PRKCA: variants seen among roughly 807,000 people sequenced by gnomAD.
PRKCA encodes the protein protein kinase C alpha type.
A neutral mutation model predicts 87.0 loss-of-function variants in PRKCA; 27 were observed. That is an observed-to-expected ratio of 0.31 (90% CI 0.23 to 0.43). The LOEUF (loss-of-function observed/expected upper bound fraction) is 0.43, where lower values mean the gene tolerates loss of function less well. Among genes scored for constraint, PRKCA ranks in the 20% least tolerant of loss-of-function variants. The pLI is 1.00. For missense variants in PRKCA, 518 were observed against 852.3 expected (o/e 0.61, Z 4.88); for synonymous variants, 329 against 311.1 (o/e 1.06, Z -0.61).
chr17:66,639,397 T>A (rs1388398375), intron 3 of PRKCA: 1 of 152,180 alleles, frequency 6.6e-6, no homozygotes, highest in African/African-American at 2.4e-5. Flanking sequence ...ATTTATTTAT[T>A]TATTTTTTGA....
chr17:66,348,823 C>A (rs1907562235), intron 2 of PRKCA, among the ~76,000 whole-genome samples: 1 of 152,188 alleles, frequency 6.6e-6, no homozygotes, highest in Non-Finnish European at 1.5e-5. Context: ...GAGTCATCCA[C>A]ATGTGGATAA....
chr17:66,433,289 C>CGGCCCTGGCCCTGGTCCT (rs1913192582), intron 2 of PRKCA, among the ~76,000 whole-genome samples: 1 of 152,272 alleles, frequency 6.6e-6, no homozygotes, highest in South Asian at 2.1e-4. Context: ...GCTCTGGCCC[C>CGGCCCTGGCCCTGGTCCT]GGCCCTGGCC....
chr17:66,633,988 A>G (rs1050165574), intron 3 of PRKCA, among the ~76,000 whole-genome samples: 4 of 152,232 alleles, frequency 2.6e-5, no homozygotes, highest in Admixed American at 6.5e-5. Flanking sequence ...CCCGGTCAGC[A>G]TCCGAATTCT....
chr17:66,419,973 G>C (rs1333640796), intron 2 of PRKCA, among the ~76,000 whole-genome samples: 1 of 151,378 alleles, frequency 6.6e-6, no homozygotes, highest in Non-Finnish European at 1.5e-5. Flanking sequence ...TTGTTGAAGG[G>C]GTAAACAAAC....
chr17:66,360,078 A>C (rs1908298610), intron 2 of PRKCA, among the ~76,000 whole-genome samples: 1 of 152,240 alleles, frequency 6.6e-6, no homozygotes. Context: ...AGAATTAGGA[A>C]TATTCATATC....
intron 2 of PRKCA, among the ~76,000 whole-genome samples, chr17:66,329,899 C>T (rs1343494337): frequency 1.3e-5 from 2 of 152,070 alleles, no homozygotes; most frequent in South Asian, 2.1e-4. Flanking sequence ...TTTTTTCAAC[C>T]AGCCGGGATG....
intron 3 of PRKCA, among the ~76,000 whole-genome samples, chr17:66,532,118 A>AT (rs2143042144): frequency 6.6e-6 from 1 of 151,094 alleles, no homozygotes; most frequent in South Asian, 2.1e-4. Context: ...TTAGGGATGG[A>AT]TTTTCTTACT....
At chr17:66,426,373 G>A (rs1337635418) in intron 2 of PRKCA, among the ~76,000 whole-genome samples, 2 of 152,164 alleles carry the variant, frequency 1.3e-5, no homozygotes, top group African/African-American at 2.4e-5. Context: ...TGGGAGTGGT[G>A]TTTGACCATA....
intron 14 of PRKCA, chr17:66,774,860 T>G (rs1337963960): frequency 1.0e-6 from 1 of 985,332 alleles, no homozygotes; most frequent in African/African-American, 1.7e-5. Flanking sequence ...TAATTTTCAC[T>G]GAAGTCCAGT....
intron 8 of PRKCA, among the ~76,000 whole-genome samples, chr17:66,706,580 G>C (rs1312094932): frequency 2.0e-5 from 3 of 151,574 alleles, no homozygotes; most frequent in Non-Finnish European, 4.4e-5. Context: ...GGAGCTTGCA[G>C]TGAGCCGAGA....
chr17:66,338,167 T>C lies in PRKCA; in HGVS notation c.205+32040T>C, dbSNP rs145684644. Among the ~76,000 whole-genome samples the C allele has an allele frequency of 5.3e-3, 810 of 152,170 alleles. 6 individuals are homozygous for C. Among genetic ancestry groups the C allele is most frequent in the Middle Eastern group, 0.014 (4 of 294 alleles). On this transcript the variant is annotated intron_variant, in intron 2 of 16. Coordinates refer to ENST00000413366, the MANE Select transcript of PRKCA (RefSeq NM_002737.3). Reference sequence around the variant, plus strand: ...TTAACCTGGCTTCACATTTCATCTTTCTTTATTCAGGGAGTGTTTGGATTT... The same window carrying C: ...TTAACCTGGCTTCACATTTCATCTTCCTTTATTCAGGGAGTGTTTGGATTT...
At chr17:66,793,194 A>T (rs1004857864) in intron 16 of PRKCA, among the ~76,000 whole-genome samples, 8 of 152,158 alleles carry the variant, frequency 5.3e-5, no homozygotes, top group African/African-American at 1.7e-4. Context: ...GGACATGAGG[A>T]CGGTCAGCTC....
intron 1 of PRKCA, among the ~76,000 whole-genome samples, chr17:66,303,569 G>T (rs1324885054): frequency 6.6e-6 from 1 of 152,106 alleles, no homozygotes; most frequent in Non-Finnish European, 1.5e-5. Context: ...CCTGCCTACT[G>T]TAGGCTGCAT....
intron 2 of PRKCA, among the ~76,000 whole-genome samples, chr17:66,350,966 C>T (rs560979902): frequency 3.4e-4 from 52 of 152,216 alleles, no homozygotes; most frequent in Non-Finnish European, 7.3e-4. Flanking sequence ...TGCATTGCTG[C>T]GATCTGCCAC....
At chr17:66,541,926 A>G (rs1329289660) in intron 3 of PRKCA, among the ~76,000 whole-genome samples, 5 of 152,230 alleles carry the variant, frequency 3.3e-5, no homozygotes, top group African/African-American at 1.2e-4. Flanking sequence ...TGAGCCCCAC[A>G]GTAAATTTTT....
chr17:66,528,593 GAA>G (rs1967430095), intron 3 of PRKCA, among the ~76,000 whole-genome samples: 1 of 152,116 alleles, frequency 6.6e-6, no homozygotes, highest in Non-Finnish European at 1.5e-5. Context: ...CTTAATACTG[GAA>G]AAGGCAAGGA....
chr17:66,651,381 G>A (rs1302619699), intron 5 of PRKCA, among the ~76,000 whole-genome samples: 1 of 152,162 alleles, frequency 6.6e-6, no homozygotes, highest in Non-Finnish European at 1.5e-5. Flanking sequence ...TTTTCAACAA[G>A]AACAGAGCAT....
chr17:66,518,532 G>A (rs1567871899), intron 3 of PRKCA, among the ~76,000 whole-genome samples: 1 of 152,160 alleles, frequency 6.6e-6, no homozygotes, highest in Non-Finnish European at 1.5e-5. Context: ...TACTGTGAAT[G>A]CTACCAGAAA....
At chr17:66,613,619 C>G (rs904046287) in intron 3 of PRKCA, among the ~76,000 whole-genome samples, 1 of 152,050 alleles carries the variant, frequency 6.6e-6, no homozygotes, top group African/African-American at 2.4e-5. Context: ...CTCCCAGCAA[C>G]CCCTGTGTTC....
Sources: gnomAD v4.1 joint callset for allele counts (sites outside exome capture counted in the v4.1 genomes callset) on GRCh38, gnomAD v4.1.1 for gene constraint, MANE v1.5 for transcripts, NCBI Gene and HGNC (gene_info 2026-07-23, HGNC 2026-07-21) for gene names.